The following ERC2 variants were observed in gnomAD, a reference collection of about 807,000 sequenced individuals.
ERC2 encodes ERC protein 2.
In ERC2, 42 loss-of-function variants were observed where a neutral mutation model predicts 114.8. The ratio of observed to expected loss-of-function variants is 0.37; its 90% CI spans 0.29 to 0.47. The LOEUF is 0.47. ERC2 is among the 20% of genes least tolerant of loss of function. The pLI, the probability that ERC2 is intolerant of heterozygous loss-of-function variation, is 0.99. For missense variants in ERC2, 939 were observed against 1,150.7 expected (o/e 0.82, Z 2.66); for synonymous variants, 454 against 425.5 (o/e 1.07, Z -0.82).
chr3:55,714,667 G>GTGTGTA (rs2063990871), intron 15 of ERC2, among the ~76,000 whole-genome samples: 3 of 88,590 alleles, frequency 3.4e-5, no homozygotes, highest in African/African-American at 1.5e-4. Context: ...GTGTGTGTGT[G>GTGTGTA]TATATATATA....
At position 55,678,651 on chromosome 3, in the gene ERC2, A is replaced by G. The variant is rs2061922596; in HGVS notation, c.*39+5143T>C. Among the ~76,000 whole-genome samples, 8 of 152,316 alleles carry G rather than the reference A, an allele frequency of 5.3e-5. No homozygotes were observed. In the South Asian group the frequency reaches 1.7e-3, roughly 32 times the overall value. On this transcript the variant is annotated intron_variant, in intron 17 of 17. Transcript: ENST00000288221. ...TCAGCCTGCACATTACTGCAATAAGAGGCCAGAGATTCCCCTGCTGATATG... is the reference window on the plus strand; with the variant it reads ...TCAGCCTGCACATTACTGCAATAAGGGGCCAGAGATTCCCCTGCTGATATG...
chr3:56,300,967 T>C (rs1028324496), intron 2 of ERC2, among the ~76,000 whole-genome samples: 5 of 152,210 alleles, frequency 3.3e-5, no homozygotes, highest in African/African-American at 1.2e-4. Context: ...TTAGCCATCT[T>C]GGCTGGGTGT....
chr3:56,458,355 C>T (rs984281746), intron 1 of ERC2, among the ~76,000 whole-genome samples: 5 of 152,128 alleles, frequency 3.3e-5, no homozygotes, highest in African/African-American at 1.2e-4. Context: ...GAACTTAGGG[C>T]TTGTGACCCC....
intron 2 of ERC2, among the ~76,000 whole-genome samples, chr3:56,372,595 C>A (rs1242827859): frequency 6.6e-6 from 1 of 152,078 alleles, no homozygotes; most frequent in East Asian, 1.9e-4. Flanking sequence ...GGTGTGGTAT[C>A]GCGTGCCTGT....
intron 9 of ERC2, among the ~76,000 whole-genome samples, chr3:56,008,318 G>A (rs1406484183): frequency 2.0e-5 from 3 of 152,214 alleles, no homozygotes; most frequent in South Asian, 2.1e-4. Flanking sequence ...AGCCCTCTGG[G>A]GAACAGGTGA....
Position 56,170,598 on chromosome 3 carries a change from T to TTTTTG in ERC2, c.1149+2847_1149+2848insCAAAA, listed in dbSNP as rs1553861407. ...GAAATCTCTTCTGTTTTTTTTTTTT[T>TTTTTG]TTTTTTTTTTTTTTTTGAGGTAGTG... On this transcript the variant is annotated intron_variant, in intron 4 of 17. Transcript: ENST00000288221. 1.5e-4 allele frequency among the ~76,000 whole-genome samples: 20 copies of TTTTTG among 135,188 alleles called. 2 individuals carry two copies. The highest frequency in any genetic ancestry group is 7.2e-4 in the South Asian group (3 of 4,140). 88.7% of individuals were successfully genotyped at this position (135,188 alleles called of 152,430 possible).
At chr3:55,698,344 G>C (rs1381264982) in intron 16 of ERC2, among the ~76,000 whole-genome samples, 1 of 152,036 alleles carries the variant, frequency 6.6e-6, no homozygotes, top group Non-Finnish European at 1.5e-5. Flanking sequence ...CCCAGGACTT[G>C]TACTCCAGGT....
intron 17 of ERC2, among the ~76,000 whole-genome samples, chr3:55,646,822 T>C (rs1218939079): frequency 1.3e-5 from 2 of 152,186 alleles, no homozygotes; most frequent in Admixed American, 6.5e-5. Flanking sequence ...ATTTTACAGA[T>C]AGGAAAGCTA....
At position 55,951,400 on chromosome 3, in the gene ERC2, TA is replaced by T. The variant is rs2067494827; in HGVS notation, c.2268-841del. Among the ~76,000 whole-genome samples the T allele has an allele frequency of 1.1e-4, 16 of 152,106 alleles. No individual in the cohort carries two copies. In the South Asian group the frequency reaches 3.3e-3, roughly 32 times the overall value. On this transcript the variant is annotated intron_variant, in intron 12 of 17. Transcript: ENST00000288221. Reference sequence around the variant, plus strand: ...TTAAATAAAGCTCTGGGGCTTGGAGTAAAACTTCTTAATGAATCTACAGGAT... The same window carrying T: ...TTAAATAAAGCTCTGGGGCTTGGAGTAAACTTCTTAATGAATCTACAGGAT...
At position 55,729,837 on chromosome 3, in the gene ERC2, C is replaced by CAAA. The variant is rs71096498; in HGVS notation, c.2712+4931_2712+4933dup. ...AGGGTAATGCAGTGAGACTCTATCG[C>CAAA]AAAAAAAAAAAAAAAAAAAAAAAAA... On this transcript the variant is annotated intron_variant, in intron 15 of 17. Transcript: ENST00000288221. 5.2e-3 allele frequency among the ~76,000 whole-genome samples: 319 copies of CAAA among 61,600 alleles called. 25 individuals carry two copies. Among genetic ancestry groups the CAAA allele is most frequent in the African/African-American group, 0.02 (238 of 11,674 alleles). The allele number at this position is 61,600 out of a possible 152,430, so 40.4% of individuals were successfully genotyped here. A position where few individuals can be genotyped will look rare whatever the true frequency, so the allele number is the denominator to read the frequency against.
At chr3:56,189,337 A>G (rs1289887550) in intron 3 of ERC2, among the ~76,000 whole-genome samples, 1 of 152,208 alleles carries the variant, frequency 6.6e-6, no homozygotes, top group African/African-American at 2.4e-5. Flanking sequence ...GCAAGAGCTC[A>G]AATAAGAACC....
intron 7 of ERC2, among the ~76,000 whole-genome samples, chr3:56,048,441 C>T (rs1342274644): frequency 6.6e-6 from 1 of 152,170 alleles, no homozygotes; most frequent in African/African-American, 2.4e-5. Flanking sequence ...CATCTGCCCA[C>T]TACTTTAATT....
At chr3:55,711,503 C>A (rs1298674129) in intron 15 of ERC2, among the ~76,000 whole-genome samples, 1 of 152,074 alleles carries the variant, frequency 6.6e-6, no homozygotes, top group Non-Finnish European at 1.5e-5. Flanking sequence ...TAGAGAGCTT[C>A]CTCATCATTA....
intron 17 of ERC2, among the ~76,000 whole-genome samples, chr3:55,645,991 TA>T (rs1318300776): frequency 6.6e-6 from 1 of 152,156 alleles, no homozygotes; most frequent in Admixed American, 6.5e-5. Context: ...AAGTGTAGGT[TA>T]AATAAGCCCT....
chr3:56,325,240 T>C (rs1973033), intron 2 of ERC2, among the ~76,000 whole-genome samples: 143,237 of 151,998 alleles, frequency 0.94, 67,690 homozygotes, highest in East Asian at 1. Flanking sequence ...GTCAGGAGAC[T>C]GAGACCATCC....
At position 55,888,075 on chromosome 3, in the gene ERC2, G is replaced by A. The variant is rs184325006; in HGVS notation, c.2564+314C>T. ...CGCTCAAATTACCATTGTGCTTAACGGGGCCTCCATCTCTTGGCTGGCTCA... is the reference window on the plus strand; with the variant it reads ...CGCTCAAATTACCATTGTGCTTAACAGGGCCTCCATCTCTTGGCTGGCTCA... On this transcript the variant is annotated intron_variant, in intron 14 of 17. Coordinates refer to ENST00000288221, the MANE Select transcript of ERC2 (RefSeq NM_015576.3). Among the ~76,000 whole-genome samples the A allele has an allele frequency of 9.8e-5, 15 of 152,298 alleles. 1 individual carries two copies. The highest frequency in any genetic ancestry group is 4.1e-4 in the South Asian group (2 of 4,820).
chr3:55,522,218 A>AG (rs1372201709), intron 17 of ERC2, among the ~76,000 whole-genome samples: 1 of 152,116 alleles, frequency 6.6e-6, no homozygotes, highest in Non-Finnish European at 1.5e-5. Context: ...CATTTTTGGT[A>AG]GGGGAGAAGG....
intron 3 of ERC2, among the ~76,000 whole-genome samples, chr3:56,196,189 G>A (rs1270537293): frequency 6.6e-6 from 1 of 152,120 alleles, no homozygotes; most frequent in African/African-American, 2.4e-5. Flanking sequence ...GGTGGTTTGG[G>A]TGGGGCAGGG....
chr3:56,137,223 G>C (rs1016121320), intron 6 of ERC2, among the ~76,000 whole-genome samples: 4 of 152,136 alleles, frequency 2.6e-5, no homozygotes, highest in African/African-American at 7.2e-5. Context: ...CCTGACTGCT[G>C]GTTTGGGTAA....
Sources: allele counts gnomAD v4.1 joint callset (sites outside exome capture counted in the v4.1 genomes callset), GRCh38; gene constraint gnomAD v4.1.1; transcripts MANE v1.5; gene names NCBI Gene and HGNC (gene_info 2026-07-23, HGNC 2026-07-21).